The following CDX2 variants were observed in gnomAD, a reference collection of about 807,000 sequenced individuals.
CDX2 encodes the protein caudal type homeobox 2.
A neutral mutation model predicts 25.5 loss-of-function variants in CDX2; 7 were observed. The ratio of observed to expected loss-of-function variants is 0.27; its 90% confidence interval spans 0.16 to 0.52. The LOEUF (loss-of-function observed/expected upper bound fraction) is 0.52, where lower values mean the gene tolerates loss of function less well. Ranked by LOEUF, CDX2 falls within the 20% of genes least tolerant of loss-of-function variation. CDX2 has a pLI of 0.97. For synonymous variants in CDX2, 222 were observed against 198.6 expected, an observed-to-expected ratio of 1.12 and a Z score of -0.99; for missense variants, 375 against 431.4, an observed-to-expected ratio of 0.87 and a Z score of 1.16.
Position 27,961,280 on chromosome 13 carries a change from T to G in CDX2, c.*1835A>C, listed in dbSNP as rs1441693518. Among the ~76,000 whole-genome samples the G allele has an allele frequency of 6.6e-6, 1 of 152,212 alleles. No individual in the cohort carries two copies. On this transcript the variant is annotated 3_prime_UTR_variant, in exon 3 of 3. Transcript: ENST00000381020. Reference sequence around the variant, plus strand: ...TGCAGAGGGTCTATACCTCTTGCTGTTTCCCGGCTCTGCTCATCTTCCCCA... The same window carrying G: ...TGCAGAGGGTCTATACCTCTTGCTGGTTCCCGGCTCTGCTCATCTTCCCCA...
Position 27,965,104 on chromosome 13 carries a change from T to A in CDX2, c.542-89A>T, listed in dbSNP as rs992574246. On this transcript the variant is annotated intron_variant, in intron 1 of 2. Transcript: ENST00000381020. Reference sequence around the variant, plus strand: ...CAAACCTCCCTAACCCAGGGACATTTCTCTTCCTCCACCACCCTGGGGGGC... The same window carrying A: ...CAAACCTCCCTAACCCAGGGACATTACTCTTCCTCCACCACCCTGGGGGGC... The A allele has an allele frequency of 3.2e-5, 45 of 1,402,978 alleles. No homozygotes were observed. The South Asian group carries it at 5.0e-4, about 16-fold the overall frequency. The allele number at this position is 1,402,978 out of a possible 1,614,324, so 86.9% of individuals were successfully genotyped here. A position where few individuals can be genotyped will look rare whatever the true frequency, so the allele number is the denominator to read the frequency against.
At chr13:27,966,190 C>A (rs1345432191) in intron 1 of CDX2, among the ~76,000 whole-genome samples, 3 of 152,258 alleles carry the variant, frequency 2.0e-5, no homozygotes, top group Admixed American at 6.5e-5. Flanking sequence ...CAACCACATT[C>A]TGTTTGAATT....
In CDX2 at chr13:27,961,099, C is replaced by T. The variant is rs1272602175; in HGVS notation, c.*2016G>A. On this transcript the variant is annotated 3_prime_UTR_variant, in exon 3 of 3. Coordinates refer to ENST00000381020, the MANE Select transcript of CDX2 (RefSeq NM_001265.6). ...ACCCCTCGCCCAGCGGACCCGGACA[C>T]GGCTTCCTCCTCTGCCCGGCACCCC... Among the ~76,000 whole-genome samples, 4 of 152,006 alleles carry T rather than the reference C, an allele frequency of 2.6e-5. No individual in the cohort carries two copies.
chr13:27,967,513 C>G (rs1233747522), intron 1 of CDX2, among the ~76,000 whole-genome samples: 2 of 152,204 alleles, frequency 1.3e-5, no homozygotes, highest in African/African-American at 2.4e-5. Context: ...GGGCACTCAA[C>G]TAGGACTCTC....
rs1431184173 is a variant in CDX2, at chr13:27,968,749, C to T, written c.258G>A (p.Ala86=). The T allele has an allele frequency of 1.3e-6, 2 of 1,503,142 alleles. No homozygotes were observed. The highest frequency in any genetic ancestry group is 2.6e-5 in the East Asian group (1 of 39,140). The allele number at this position is 1,503,142 out of a possible 1,614,324, so 93.1% of individuals were successfully genotyped here. A position where few individuals can be genotyped will look rare whatever the true frequency, so the allele number is the denominator to read the frequency against. ...DWNGYAPGGA[A]AAANAVAHGL... is the part of the protein sequence containing the mutation. ...CGTGAGCCACGGCGTTGGCGGCGGC[C>T]GCGGCGCCTCCGGGCGCGTAGCCAT... Residue 86 remains alanine (A), a synonymous_variant, in exon 1 of 3, where the codon GCG becomes GCA. Transcript: ENST00000381020.
intron 1 of CDX2, among the ~76,000 whole-genome samples, chr13:27,966,893 G>T (rs1869355926): frequency 7.0e-6 from 1 of 143,786 alleles, no homozygotes; most frequent in South Asian, 2.3e-4. Context: ...GACAGATGAC[G>T]CTCCGCAGAG....
intron 1 of CDX2, among the ~76,000 whole-genome samples, chr13:27,968,234 C>T (rs1869434120): frequency 6.6e-6 from 1 of 152,316 alleles, no homozygotes; most frequent in Non-Finnish European, 1.5e-5. Context: ...GGAAAGAGGA[C>T]GCCTGAACAC....
At chr13:27,965,116 C>T in intron 1 of CDX2, 101 bp from the exon 2 acceptor site, 1 of 1,317,306 alleles carries the variant, frequency 7.6e-7, no homozygotes, top group Non-Finnish European at 1.0e-6. Context: ...TCTTCCTCCA[C>T]CACCCTGGGG....
At chr13:27,967,360 C>A in intron 1 of CDX2, 1 of 523,900 alleles carries the variant, frequency 1.9e-6, no homozygotes, top group Non-Finnish European at 3.7e-6. Flanking sequence ...AGACAGCCCC[C>A]AAAGGGCGCT....
chr13:27,963,073 G>T lies in CDX2; in HGVS notation c.*42C>A. On this transcript the variant is annotated 3_prime_UTR_variant, in exon 3 of 3. Coordinates refer to ENST00000381020, the MANE Select transcript of CDX2 (RefSeq NM_001265.6). The stretch of plus-strand genomic sequence containing the variant: ...GTCTAGCAGAGTCCACGCTCCTCAT[G>T]GCTCAGCCTGGAATTGCTCTGCCGC... 6.3e-7 allele frequency: 1 copy of T among 1,578,826 alleles called. No homozygotes were observed. Among genetic ancestry groups the T allele is most frequent in the Non-Finnish European group, 8.6e-7 (1 of 1,161,456 alleles).
Position 27,963,311 on chromosome 13 carries a change from A to G in CDX2, c.746T>C (p.Leu249Ser), listed in dbSNP as rs1869160999. The G allele has an allele frequency of 3.7e-6, 6 of 1,613,672 alleles. No homozygotes were observed. The East Asian group carries it at 1.1e-4, about 30-fold the overall frequency. Residue 249 changes from leucine to serine, a missense_variant, in exon 3 of 3, where the codon TTG becomes TCG. By Grantham distance (145) the Leu-to-Ser change is moderately radical. Around this residue, in one of 3 missense-constraint regions of CDX2, gnomAD observed 64 missense variants for 124.6 expected, o/e 0.51. Coordinates refer to ENST00000381020, the MANE Select transcript of CDX2 (RefSeq NM_001265.6). Reference protein sequence around the residue: ...AKERKINKKKLQQQQQQQPPQ... With the variant: ...AKERKINKKKSQQQQQQQPPQ... Reference sequence around the variant, plus strand: ...TGGCTGCTGCTGCTGTTGCTGCTGCAACTTCTTCTTGTTGATTTTCCTCTC... The same window carrying G: ...TGGCTGCTGCTGCTGTTGCTGCTGCGACTTCTTCTTGTTGATTTTCCTCTC...
Position 27,968,576 on chromosome 13 carries a change from G to T in CDX2, c.431C>A (p.Pro144His). 6.4e-7 allele frequency: 1 copy of T among 1,571,260 alleles called. No individual in the cohort carries two copies. Among genetic ancestry groups the T allele is most frequent in the Non-Finnish European group, 8.6e-7 (1 of 1,168,054 alleles). Reference sequence around the variant, plus strand: ...GGCAGCGGTGGCGGCGGGCCCAGGAGGGCCGGGGTTGAGCGTTTGCAGCAG... The same window carrying T: ...GGCAGCGGTGGCGGCGGGCCCAGGATGGCCGGGGTTGAGCGTTTGCAGCAG... ...SGLLQTLNPG[P>H]PGPAATAAAE... Residue 144 changes from proline to histidine, a missense_variant, in exon 1 of 3, where the codon CCT becomes CAT. Coordinates refer to ENST00000381020, the MANE Select transcript of CDX2 (RefSeq NM_001265.6).
chr13:27,968,374 C>T, intron 1 of CDX2, 92 bp downstream of exon 1: 1 of 1,346,836 alleles, frequency 7.4e-7, no homozygotes, highest in Non-Finnish European at 9.5e-7. Context: ...CCCGGGACGC[C>T]CCTGTGCGCA....
chr13:27,968,956 G>A lies in CDX2; in HGVS notation c.51C>T (p.Ser17=). 2 of 1,607,136 alleles carry A rather than the reference G, an allele frequency of 1.2e-6. No individual in the cohort carries two copies. The highest frequency in any genetic ancestry group is 1.7e-6 in the Non-Finnish European group (2 of 1,179,358). Residue 17 remains serine (S), a synonymous_variant, in exon 1 of 3, where the codon TCC becomes TCT. Transcript: ENST00000381020. The part of the protein sequence containing the change: ...LDKDVSMYPS[S]VRHSGGLNLA... ...GGTTGAGGCCGCCAGAGTGGCGCAC[G>A]GAGCTAGGGTACATGCTCACGTCCT...
rs936292009 is a variant in CDX2 at position 27,967,202 on chromosome 13, A to G, written c.541+1264T>C. On this transcript the variant is annotated intron_variant, in intron 1 of 2. Transcript: ENST00000381020. The stretch of plus-strand genomic sequence containing the variant: ...GAGCCAGGATCTGGGAGCCCCTGCT[A>G]GGAGAAAGGCGCCTCCTCTAGGAGA... 2.6e-5 allele frequency: 12 copies of G among 460,194 alleles called. No individual in the cohort carries two copies. In the East Asian group the frequency reaches 5.5e-4, roughly 21 times the overall value. 28.5% of individuals were successfully genotyped at this position (460,194 alleles called of 1,614,324 possible). A position where few individuals can be genotyped will look rare whatever the true frequency, so the allele number is the denominator to read the frequency against.
chr13:27,966,123 A>G (rs905275781), intron 1 of CDX2, among the ~76,000 whole-genome samples: 1 of 152,258 alleles, frequency 6.6e-6, no homozygotes, highest in African/African-American at 2.4e-5. Context: ...ACACAGCCGC[A>G]AACAATGCAG....
Position 27,964,774 on chromosome 13 carries a change from T to A in CDX2, c.687+96A>T. 3.3e-6 allele frequency: 3 copies of A among 911,182 alleles called. No individual in the cohort carries two copies. Among genetic ancestry groups the A allele is most frequent in the Middle Eastern group, 3.7e-4 (1 of 2,722 alleles). The allele number at this position is 911,182 out of a possible 1,614,324, so 56.4% of individuals were successfully genotyped here. On this transcript the variant is annotated intron_variant, in intron 2 of 2. Coordinates refer to ENST00000381020, the MANE Select transcript of CDX2 (RefSeq NM_001265.6). The surrounding 1 kb of genome is among the most constrained non-coding windows in gnomAD (Gnocchi z 4.7). ...GCTTGCATCCTCCTGCTTCAGTCTCTCCACAGATTTAGATGGCCCCTGCAG... is the reference window on the plus strand; with the variant it reads ...GCTTGCATCCTCCTGCTTCAGTCTCACCACAGATTTAGATGGCCCCTGCAG...
rs1312284940 is a variant in CDX2 at position 27,968,611 on chromosome 13, G to A, written c.396C>T (p.Cys132=). 2 of 1,557,124 alleles carry A rather than the reference G, an allele frequency of 1.3e-6. No individual in the cohort carries two copies. The highest frequency in any genetic ancestry group is 1.2e-5 in the South Asian group (1 of 86,100). ...TGAGCGTTTGCAGCAGCCCAGAAGC[G>A]CAGGAAGGCGCGGCGGCCGGGTGGT... ...HPHHPAAAPS[C]ASGLLQTLNP... Residue 132 remains cysteine (C), a synonymous_variant, in exon 1 of 3, where the codon TGC becomes TGT. Coordinates refer to ENST00000381020, the MANE Select transcript of CDX2 (RefSeq NM_001265.6).
rs953372127 is a variant in CDX2 at position 27,961,089 on chromosome 13, G to T, written c.*2026C>A. Among the ~76,000 whole-genome samples the T allele has an allele frequency of 2.6e-5, 4 of 151,902 alleles. No individual in the cohort carries two copies. The highest frequency in any genetic ancestry group is 5.9e-5 in the Non-Finnish European group (4 of 67,942). ...CTGACCCAGGACCCCTCGCCCAGCG[G>T]ACCCGGACACGGCTTCCTCCTCTGC... On this transcript the variant is annotated 3_prime_UTR_variant, in exon 3 of 3. Transcript: ENST00000381020.
Sources: allele counts gnomAD v4.1 joint callset (sites outside exome capture counted in the v4.1 genomes callset), GRCh38; gene constraint gnomAD v4.1.1; regional missense constraint gnomAD v4.1.1; non-coding constraint Gnocchi (gnomAD v3.1); transcripts MANE v1.5; gene names NCBI Gene and HGNC (gene_info 2026-07-23, HGNC 2026-07-21).